The following UNC93A variants were observed in gnomAD, a reference collection of about 807,000 sequenced individuals.
The protein encoded by UNC93A is N-acetylglucosamine transporter UNC93A.
A neutral mutation model predicts 47.5 loss-of-function variants in UNC93A; 43 were observed. The ratio of observed to expected loss-of-function variants is 0.91; its 90% CI spans 0.71 to 1.17. UNC93A has a LOEUF of 1.17. Ranked by LOEUF, UNC93A falls within the 50% of genes most tolerant of loss-of-function variation. The probability of loss-of-function intolerance (pLI) is 0.00; values close to 1 mark genes in which losing one functional copy is unlikely to be tolerated. For synonymous variants in UNC93A, 280 were observed against 258.0 expected (o/e 1.09, Z -0.82); for missense variants, 605 against 577.6 (o/e 1.05, Z -0.49).
At position 167,303,953 on chromosome 6, in the gene UNC93A, G is replaced by A. The variant is rs139094391; in HGVS notation, c.660G>A (p.Ala220=). The A allele has an allele frequency of 4.0e-4, 638 of 1,613,470 alleles. 4 individuals carry two copies. The African/African-American group carries it at 7.1e-3, about 18-fold the overall frequency. ...TCCTGGCTGTCCTGATGATAGCTGCGTTCCTCCAACCCATACGAGATGTTC... is the reference window on the plus strand; with the variant it reads ...TCCTGGCTGTCCTGATGATAGCTGCATTCCTCCAACCCATACGAGATGTTC... ...SGVLAVLMIA[A]FLQPIRDVQR... The change falls in exon 5 of 8, where the codon GCG becomes GCA. Residue 220 remains alanine, a synonymous_variant. Coordinates refer to ENST00000230256, the MANE Select transcript of UNC93A (RefSeq NM_018974.4).
intron 1 of UNC93A, among the ~76,000 whole-genome samples, chr6:167,293,759 C>A (rs377333074): frequency 1.3e-5 from 2 of 152,324 alleles, no homozygotes. Context: ...ACAAAGGACG[C>A]TCTTTTGTGG....
intron 3 of UNC93A, among the ~76,000 whole-genome samples, chr6:167,297,367 T>C (rs543771933): frequency 6.6e-6 from 1 of 152,054 alleles, no homozygotes; most frequent in East Asian, 1.9e-4. Context: ...ATTAAAATAA[T>C]AAAAACACTG....
chr6:167,305,960 A>G lies in UNC93A; in HGVS notation c.886A>G (p.Met296Val), dbSNP rs756445836. ...TLGIQFVGYV[M>V]ICFSATDALC... ...GGGCATCCAGTTCGTCGGCTACGTGATGATCTGCTTCTCGGCCACTGACGC... is the reference window on the plus strand; with the variant it reads ...GGGCATCCAGTTCGTCGGCTACGTGGTGATCTGCTTCTCGGCCACTGACGC... The change falls in exon 6 of 8, where the codon ATG becomes GTG. Residue 296 changes from methionine to valine, a missense_variant. Transcript: ENST00000230256. The G allele has an allele frequency of 3.1e-6, 5 of 1,614,020 alleles. No homozygotes were observed. Among genetic ancestry groups the G allele is most frequent in the Admixed American group, 3.3e-5 (2 of 60,004 alleles).
chr6:167,312,694 T>G (rs7744347), intron 7 of UNC93A, among the ~76,000 whole-genome samples: 34,512 of 152,204 alleles, frequency 0.23, 3,947 homozygotes, highest in South Asian at 0.32. Flanking sequence ...CTTTTACATG[T>G]GTACAGTCAT....
Position 167,294,664 on chromosome 6 carries a change from G to A in UNC93A, c.235G>A (p.Val79Met), listed in dbSNP as rs758570699. The stretch of plus-strand genomic sequence containing the variant: ...CATCATCCTCTCCATGTGTGGCTAC[G>A]TGGCCTTCTCCGTGGGCAACTTCTT... ...GTIILSMCGY[V>M]AFSVGNFFAS... Residue 79 changes from valine to methionine, a missense_variant, in exon 2 of 8, where the codon GTG becomes ATG. By Grantham distance (21) the Val-to-Met change is conservative. Coordinates refer to ENST00000230256, the MANE Select transcript of UNC93A (RefSeq NM_018974.4). 12 of 1,605,594 alleles carry A rather than the reference G, an allele frequency of 7.5e-6. No individual in the cohort carries two copies. The South Asian group carries it at 8.8e-5, about 12-fold the overall frequency.
intron 1 of UNC93A, among the ~76,000 whole-genome samples, chr6:167,283,638 C>A (rs1031911986): frequency 6.6e-6 from 1 of 152,168 alleles, no homozygotes; most frequent in Non-Finnish European, 1.5e-5. Flanking sequence ...CTCACTCCCC[C>A]GCGTTGCCTG....
chr6:167,288,309 G>C (rs1783776287), upstream of UNC93A, among the ~76,000 whole-genome samples: 1 of 152,178 alleles, frequency 6.6e-6, no homozygotes, highest in Non-Finnish European at 1.5e-5. Context: ...CCGAATGCCC[G>C]CTCAGCTCAG....
chr6:167,294,016 T>A (rs1264892018), intron 1 of UNC93A, among the ~76,000 whole-genome samples: 1 of 152,184 alleles, frequency 6.6e-6, no homozygotes, highest in African/African-American at 2.4e-5. Context: ...CCTTAGACAG[T>A]GACGGGCACT....
chr6:167,303,238 C>T (rs746916609), intron 4 of UNC93A, among the ~76,000 whole-genome samples: 7 of 152,246 alleles, frequency 4.6e-5, no homozygotes, highest in Non-Finnish European at 7.3e-5. Flanking sequence ...ATTTAATGCA[C>T]ATATAAACAA....
intron 1 of UNC93A, among the ~76,000 whole-genome samples, chr6:167,277,785 GTC>G: frequency 1.3e-5 from 2 of 151,354 alleles, no homozygotes; most frequent in South Asian, 4.2e-4. Context: ...GTATCTTTCT[GTC>G]TCTCTCTGTC....
chr6:167,284,302 A>G (rs974589305), intron 1 of UNC93A, among the ~76,000 whole-genome samples: 1 of 151,812 alleles, frequency 6.6e-6, no homozygotes, highest in Non-Finnish European at 1.5e-5. Flanking sequence ...CAATGATAAC[A>G]GTTGCGTGAG....
At chr6:167,299,147 C>T (rs957083232) in intron 4 of UNC93A, among the ~76,000 whole-genome samples, 1 of 146,418 alleles carries the variant, frequency 6.8e-6, no homozygotes, top group African/African-American at 2.6e-5. Context: ...CACACACACA[C>T]ACACATATTT....
rs2115078926 is a variant in UNC93A, at chr6:167,278,430, C to T, written c.-52+6972C>T. 1.3e-5 allele frequency among the ~76,000 whole-genome samples: 2 copies of T among 152,318 alleles called. 1 individual carries two copies. The highest frequency in any genetic ancestry group is 4.8e-5 in the African/African-American group (2 of 41,560). On this transcript the variant is annotated intron_variant, in intron 1 of 3. Coordinates refer to the UNC93A transcript ENST00000503433. ...GCACGGTGGGTGCATGAGGCTGCAG[C>T]ACCACAACTCCATGGCCAAAATGGC...
At chr6:167,304,617 C>A (rs1017264617) in intron 5 of UNC93A, among the ~76,000 whole-genome samples, 1 of 151,782 alleles carries the variant, frequency 6.6e-6, no homozygotes, top group African/African-American at 2.4e-5. Flanking sequence ...GTTGCCCAGG[C>A]TGGAGTGCAA....
At chr6:167,276,399 A>G (rs140179962) in intron 1 of UNC93A, among the ~76,000 whole-genome samples, 13 of 152,032 alleles carry the variant, frequency 8.6e-5, no homozygotes, top group African/African-American at 2.9e-4. Flanking sequence ...TCGTGATTCT[A>G]TTTGTGGTTT....
At chr6:167,286,135 A>G (rs544520824) in intron 1 of UNC93A, among the ~76,000 whole-genome samples, 8 of 148,804 alleles carry the variant, frequency 5.4e-5, no homozygotes, top group Admixed American at 4.9e-4. Flanking sequence ...CAAAATGTGT[A>G]TATGCATTTT....
chr6:167,295,446 G>A (rs1270687340), intron 2 of UNC93A, among the ~76,000 whole-genome samples: 1 of 118,644 alleles, frequency 8.4e-6, no homozygotes, highest in African/African-American at 4.0e-5. Flanking sequence ...CCTCCCTCGT[G>A]CTCCTCGCCT....
rs1299972827 is a variant in UNC93A, at chr6:167,304,050, A to G, written c.757A>G (p.Arg253Gly). The G allele has an allele frequency of 1.2e-6, 2 of 1,613,806 alleles. No homozygotes were observed. The highest frequency in any genetic ancestry group is 1.3e-5 in the African/African-American group (1 of 74,832). ...STLLSTFKLY[R>G]DKRLCLLILL... ...TTTACTGTCGACTTTCAAGCTATAT[A>G]GAGATAAACGTCTGTGCCTCTTAAT... Residue 253 changes from arginine to glycine, a missense_variant, in exon 5 of 8, where the codon AGA (arginine) becomes GGA (glycine). Physicochemically the swap from Arg to Gly is moderately radical, Grantham distance 125. Transcript: ENST00000230256.
chr6:167,293,892 G>A (rs1444992395), intron 1 of UNC93A, among the ~76,000 whole-genome samples: 2 of 152,206 alleles, frequency 1.3e-5, no homozygotes, highest in South Asian at 4.1e-4. Flanking sequence ...CTGAGGTCTG[G>A]ATGGGGCACC....
Sources: allele counts gnomAD v4.1 joint callset (sites outside exome capture counted in the v4.1 genomes callset), GRCh38; gene constraint gnomAD v4.1.1; transcripts MANE v1.5; gene names NCBI Gene and HGNC (gene_info 2026-07-23, HGNC 2026-07-21).